The following LBH variants were observed in gnomAD, a reference collection of about 807,000 sequenced individuals.
The protein encoded by LBH is LBH regulator of Wnt signaling pathway, also known as protein LBH.
Under a neutral mutation model 12.5 loss-of-function variants are expected in LBH, and 7 were observed. The observed-to-expected ratio is 0.56, with a 90% CI of 0.32 to 1.05. The LOEUF (loss-of-function observed/expected upper bound fraction) is 1.05, where lower values mean the gene tolerates loss of function less well. Among genes scored for constraint, LBH ranks in the 50% least tolerant of loss-of-function variants. LBH has a pLI of 0.04. For synonymous variants in LBH, 51 were observed against 50.1 expected (o/e 1.02, Z -0.08); for missense variants, 119 against 138.9 (o/e 0.86, Z 0.72).
chr2:30,234,213 G>T (rs542345882), intron 1 of LBH, 192 bp from the exon 2 acceptor site: 1 of 575,788 alleles, frequency 1.7e-6, no homozygotes, highest in Non-Finnish European at 3.1e-6. Context: ...TGTCTGTTGC[G>T]GCTGAGCCCT....
chr2:30,243,232 T>G lies in LBH; in HGVS notation c.129+8725T>G, dbSNP rs1172732755. Reference sequence around the variant, plus strand: ...CATTTAGCCAGCATTGCAAAATAGCTGGTGATCATATTCTTGTCCCCTAGT... The same window carrying G: ...CATTTAGCCAGCATTGCAAAATAGCGGGTGATCATATTCTTGTCCCCTAGT... On this transcript the variant is annotated intron_variant, in intron 2 of 2. Coordinates refer to ENST00000395323, the MANE Select transcript of LBH (RefSeq NM_030915.4). Among the ~76,000 whole-genome samples, 3 of 152,388 alleles carry G rather than the reference T, an allele frequency of 2.0e-5. No homozygotes were observed. In the East Asian group the frequency reaches 5.8e-4, roughly 29 times the overall value.
At chr2:30,257,309 G>A in intron 2 of LBH, 124 bp from the exon 3 acceptor site, 1 of 1,040,306 alleles carries the variant, frequency 9.6e-7, no homozygotes, top group Non-Finnish European at 1.4e-6. Flanking sequence ...AGCCTCCCGA[G>A]TGCAAAGCAC....
Position 30,257,564 on chromosome 2 carries a change from C to G in LBH, c.261C>G (p.Val87=). The G allele has an allele frequency of 6.2e-7, 1 of 1,613,978 alleles. No individual in the cohort carries two copies. Among genetic ancestry groups the G allele is most frequent in the Non-Finnish European group, 8.5e-7 (1 of 1,179,994 alleles). Residue 87 remains valine, a synonymous_variant, in exon 3 of 3, where the codon GTC becomes GTG. Transcript: ENST00000395323. ...ELRWPPEEFL[V]QEDEQDNCEE... ...GGTGGCCCCCTGAGGAGTTCCTGGT[C>G]CAGGAGGATGAGCAAGATAACTGCG...
intron 2 of LBH, among the ~76,000 whole-genome samples, chr2:30,238,432 G>A (rs1677727928): frequency 6.6e-6 from 1 of 152,138 alleles, no homozygotes; most frequent in South Asian, 2.1e-4. Context: ...CTTCCTGGCT[G>A]CCCCTTGTAT....
At position 30,234,461 on chromosome 2, in the gene LBH, T is replaced by C; in HGVS notation, c.83T>C (p.Met28Thr). 1 of 1,614,110 alleles carries C rather than the reference T, an allele frequency of 6.2e-7. No homozygotes were observed. Among genetic ancestry groups the C allele is most frequent in the Non-Finnish European group, 8.5e-7 (1 of 1,179,964 alleles). Residue 28 changes from methionine to threonine, a missense_variant, in exon 2 of 3, where the codon ATG (methionine) becomes ACG (threonine). Coordinates refer to ENST00000395323, the MANE Select transcript of LBH (RefSeq NM_030915.4). Reference sequence around the variant, plus strand: ...GAGGTGATGATGAACACCCAGCCCATGGAGGAGATCGGCCTCAGCCCCCGC... The same window carrying C: ...GAGGTGATGATGAACACCCAGCCCACGGAGGAGATCGGCCTCAGCCCCCGC... Reference protein sequence around the residue: ...MTEVMMNTQPMEEIGLSPRKD... With the variant: ...MTEVMMNTQPTEEIGLSPRKD...
chr2:30,253,631 C>T lies in LBH; in HGVS notation c.130-3802C>T, dbSNP rs13409562. ...TTAAAAGACTTAATTGTGGAGCTCT[C>T]GGTATGAATGGCGCTGTTTGGAATT... is the stretch of plus-strand genomic sequence containing the variant. On this transcript the variant is annotated intron_variant, in intron 2 of 2. Transcript: ENST00000395323. Among the ~76,000 whole-genome samples the T allele has an allele frequency of 7.6e-3, 1,151 of 152,108 alleles. 12 individuals are homozygous for T. Among genetic ancestry groups the T allele is most frequent in the African/African-American group, 0.024 (1,005 of 41,502 alleles).
intron 2 of LBH, among the ~76,000 whole-genome samples, chr2:30,244,582 G>C (rs143898625): frequency 3.9e-5 from 6 of 151,906 alleles, no homozygotes; most frequent in Non-Finnish European, 8.8e-5. Context: ...AGAACCTGTC[G>C]CAATTCAACT....
At chr2:30,236,872 C>T (rs577560048) in intron 2 of LBH, among the ~76,000 whole-genome samples, 12 of 152,238 alleles carry the variant, frequency 7.9e-5, no homozygotes, top group Non-Finnish European at 1.6e-4. Flanking sequence ...TTTGAGAGGG[C>T]AGTTCCATCT....
At chr2:30,250,473 G>A (rs1011128809) in intron 2 of LBH, among the ~76,000 whole-genome samples, 9 of 151,674 alleles carry the variant, frequency 5.9e-5, no homozygotes, top group African/African-American at 1.9e-4. Flanking sequence ...CGGCCTCTTT[G>A]TGGCCAGCTT....
At chr2:30,236,897 T>G (rs13402514) in intron 2 of LBH, among the ~76,000 whole-genome samples, 5,009 of 152,220 alleles carry the variant, frequency 0.033, 112 homozygotes, top group East Asian at 0.096. Context: ...GGTAATGTTC[T>G]TGCACCTTCA....
chr2:30,244,496 T>C (rs1180716616), intron 2 of LBH, among the ~76,000 whole-genome samples: 1 of 152,196 alleles, frequency 6.6e-6, no homozygotes, highest in Non-Finnish European at 1.5e-5. Context: ...CAAATTGCAT[T>C]TCCTGAAGAC....
At chr2:30,231,813 C>G (rs1677589983) in intron 1 of LBH, 49 bp downstream of exon 1, 1 of 1,509,232 alleles carries the variant, frequency 6.6e-7, no homozygotes, top group Non-Finnish European at 8.9e-7. Context: ...GCGGTGGCTG[C>G]GGGCCCGGGC....
chr2:30,236,099 G>C (rs1025300736), intron 2 of LBH, among the ~76,000 whole-genome samples: 1 of 152,162 alleles, frequency 6.6e-6, no homozygotes, highest in Admixed American at 6.5e-5. Context: ...GTTCTCTTTC[G>C]GTTCTGGGTT....
chr2:30,255,893 T>G (rs1349224469), intron 2 of LBH, among the ~76,000 whole-genome samples: 2 of 152,210 alleles, frequency 1.3e-5, no homozygotes, highest in East Asian at 1.9e-4. Context: ...AGTTTTGCTT[T>G]CCTTTCTTGT....
chr2:30,252,795 G>T (rs1678008113), intron 2 of LBH, among the ~76,000 whole-genome samples: 1 of 152,238 alleles, frequency 6.6e-6, no homozygotes, highest in Non-Finnish European at 1.5e-5. Context: ...GCCCAATGTG[G>T]CTGCTGGATG....
intron 2 of LBH, among the ~76,000 whole-genome samples, chr2:30,235,544 A>C (rs1026920622): frequency 6.6e-6 from 1 of 152,156 alleles, no homozygotes; most frequent in Non-Finnish European, 1.5e-5. Flanking sequence ...GCTCAGCCTG[A>C]GTCAGTGACT....
In LBH at chr2:30,231,665, C is replaced by G. The variant is rs761146149; in HGVS notation, c.-74C>G. On this transcript the variant is annotated 5_prime_UTR_variant, in exon 1 of 3. Coordinates refer to ENST00000395323, the MANE Select transcript of LBH (RefSeq NM_030915.4). ...GCCGCCTGCCGTGCCCGTCTGCGCC[C>G]GTGTCATCCTCACTCGGGACGCAGG... 96 of 1,466,348 alleles carry G rather than the reference C, an allele frequency of 6.5e-5. No homozygotes were observed. Among genetic ancestry groups the G allele is most frequent in the Non-Finnish European group, 8.8e-5 (93 of 1,056,572 alleles). The allele number at this position is 1,466,348 out of a possible 1,614,324, so 90.8% of individuals were successfully genotyped here. A position where few individuals can be genotyped will look rare whatever the true frequency, so the allele number is the denominator to read the frequency against.
intron 2 of LBH, among the ~76,000 whole-genome samples, chr2:30,249,496 G>A (rs1677935614): frequency 6.6e-6 from 1 of 152,202 alleles, no homozygotes; most frequent in African/African-American, 2.4e-5. Context: ...GGCCCCTGGA[G>A]TAAGTGAAAG....
intron 1 of LBH, chr2:30,232,329 C>G: frequency 1.6e-6 from 2 of 1,266,254 alleles, no homozygotes; most frequent in Non-Finnish European, 2.1e-6. Context: ...CCCCTGCCCT[C>G]TCCACCGCCC....
Sources: gnomAD v4.1 joint callset for allele counts (sites outside exome capture counted in the v4.1 genomes callset) on GRCh38, gnomAD v4.1.1 for gene constraint, MANE v1.5 for transcripts, NCBI Gene and HGNC (gene_info 2026-07-23, HGNC 2026-07-21) for gene names.